AFF3: variants seen among roughly 807,000 people sequenced by gnomAD.
AFF3 encodes the protein AF4/FMR2 family member 3.
A neutral mutation model predicts 129.7 loss-of-function variants in AFF3; 32 were observed. That is an observed-to-expected ratio of 0.25 (90% CI 0.19 to 0.33). The LOEUF (loss-of-function observed/expected upper bound fraction) is 0.33, where lower values mean the gene tolerates loss of function less well. AFF3 is among the 10% of genes least tolerant of loss of function. The probability of loss-of-function intolerance (pLI) is 1.00; values close to 1 mark genes in which losing one functional copy is unlikely to be tolerated. For synonymous variants in AFF3, 644 were observed against 635.4 expected, an observed-to-expected ratio of 1.01 and a Z score of -0.20; for missense variants, 1,373 against 1,592.0, an observed-to-expected ratio of 0.86 and a Z score of 2.34.
chr2:99,578,895 G>A (rs538661545), intron 17 of AFF3, among the ~76,000 whole-genome samples: 98 of 152,334 alleles, frequency 6.4e-4, no homozygotes, highest in African/African-American at 2.2e-3. Context: ...CTGAGAGTCT[G>A]GGATTCAGCA....
intron 7 of AFF3, among the ~76,000 whole-genome samples, chr2:99,844,256 C>A (rs1347188128): frequency 6.6e-6 from 1 of 151,872 alleles, no homozygotes; most frequent in Non-Finnish European, 1.5e-5. Flanking sequence ...ATTCAAGTAA[C>A]ATAAAATCTA....
At chr2:99,690,155 T>TTTATTATTATTA (rs200485697) in intron 11 of AFF3, among the ~76,000 whole-genome samples, 2 of 123,016 alleles carry the variant, frequency 1.6e-5, no homozygotes, top group South Asian at 2.9e-4. Flanking sequence ...AACCACAATC[T>TTTATTATTATTA]TTATTATTAT....
At chr2:100,038,350 G>C (rs994725704) in intron 4 of AFF3, among the ~76,000 whole-genome samples, 2 of 149,790 alleles carry the variant, frequency 1.3e-5, no homozygotes, top group African/African-American at 4.9e-5. Flanking sequence ...CAACAATCAA[G>C]TTGTCTTATA....
At chr2:99,643,459 A>G (rs1039485723) in intron 13 of AFF3, among the ~76,000 whole-genome samples, 1 of 152,100 alleles carries the variant, frequency 6.6e-6, no homozygotes, top group African/African-American at 2.4e-5. Context: ...ACGCCACCAT[A>G]ACATCTTCAT....
chr2:99,931,030 T>C (rs892324222), intron 7 of AFF3, among the ~76,000 whole-genome samples: 2 of 152,240 alleles, frequency 1.3e-5, no homozygotes, highest in South Asian at 4.1e-4. Context: ...AGACCCAGTC[T>C]TTGCTTTTTT....
chr2:99,643,909 T>C (rs1046354635), intron 13 of AFF3, among the ~76,000 whole-genome samples: 1 of 152,218 alleles, frequency 6.6e-6, no homozygotes, highest in Admixed American at 6.5e-5. Flanking sequence ...GTGAGATTTA[T>C]TTGAGAAAGG....
At chr2:99,779,588 G>A (rs960567818) in intron 8 of AFF3, among the ~76,000 whole-genome samples, 13 of 152,086 alleles carry the variant, frequency 8.5e-5, no homozygotes, top group Admixed American at 5.2e-4. Flanking sequence ...CATATACTGC[G>A]TAGTGGTGAA....
At chr2:99,615,772 T>C (rs1043328754) in intron 13 of AFF3, among the ~76,000 whole-genome samples, 1 of 152,124 alleles carries the variant, frequency 6.6e-6, no homozygotes, top group Non-Finnish European at 1.5e-5. Flanking sequence ...CTGCCAAGAG[T>C]GAGCAGGCTG....
At chr2:99,871,140 A>C (rs1052106812) in intron 7 of AFF3, among the ~76,000 whole-genome samples, 8 of 152,348 alleles carry the variant, frequency 5.3e-5, no homozygotes, top group East Asian at 1.9e-4. Flanking sequence ...CCTTCAGACT[A>C]TGTGTACAGG....
chr2:99,733,454 A>G (rs1680005923), intron 10 of AFF3, among the ~76,000 whole-genome samples: 1 of 150,364 alleles, frequency 6.7e-6, no homozygotes, highest in South Asian at 2.1e-4. Flanking sequence ...TATTTTTTCT[A>G]TTATCTTTGG....
intron 12 of AFF3, among the ~76,000 whole-genome samples, chr2:99,665,715 G>A (rs1248342575): frequency 1.3e-5 from 2 of 152,238 alleles, no homozygotes; most frequent in Non-Finnish European, 2.9e-5. Flanking sequence ...ATCACCCAGA[G>A]AGCAGACATG....
At chr2:100,015,503 G>A (rs1205612630) in intron 4 of AFF3, among the ~76,000 whole-genome samples, 4 of 152,126 alleles carry the variant, frequency 2.6e-5, no homozygotes, top group African/African-American at 9.7e-5. Flanking sequence ...TAAGCACTGT[G>A]TATAATTAAG....
intron 4 of AFF3, among the ~76,000 whole-genome samples, chr2:100,099,008 G>T (rs1199014861): frequency 1.5e-5 from 2 of 129,926 alleles, no homozygotes; most frequent in Non-Finnish European, 3.3e-5. Context: ...ACCTGCCGAG[G>T]CCCCTCCAGG....
chr2:99,624,566 C>A (rs1166179295), intron 13 of AFF3, among the ~76,000 whole-genome samples: 9 of 152,136 alleles, frequency 5.9e-5, no homozygotes, highest in African/African-American at 2.2e-4. Context: ...TTAATAAGAG[C>A]CTCGCAGTCC....
chr2:99,786,303 T>C (rs1684787665), intron 8 of AFF3, among the ~76,000 whole-genome samples: 2 of 152,276 alleles, frequency 1.3e-5, no homozygotes, highest in Admixed American at 6.5e-5. Context: ...ATGAGGCCAA[T>C]GTGAGGCTCC....
intron 7 of AFF3, among the ~76,000 whole-genome samples, chr2:99,922,933 C>T (rs1285325225): frequency 6.6e-6 from 1 of 152,134 alleles, no homozygotes; most frequent in Non-Finnish European, 1.5e-5. Flanking sequence ...TGCTGTGTGT[C>T]CCTAAAATGC....
At chr2:99,851,546 A>C (rs1017858408) in intron 7 of AFF3, among the ~76,000 whole-genome samples, 2 of 152,200 alleles carry the variant, frequency 1.3e-5, no homozygotes, top group African/African-American at 4.8e-5. Flanking sequence ...CCAGTGGCAA[A>C]ATTGAGGCTC....
chr2:99,733,334 C>A (rs1233685309), intron 10 of AFF3, among the ~76,000 whole-genome samples: 4 of 149,306 alleles, frequency 2.7e-5, no homozygotes, highest in African/African-American at 9.8e-5. Context: ...GAGCCAAGAT[C>A]GCGCCACTGC....
chr2:100,020,830 TTCCTACCCCAGCCCATTCGC>T (rs1407096477), intron 4 of AFF3, among the ~76,000 whole-genome samples: 2 of 152,192 alleles, frequency 1.3e-5, no homozygotes, highest in South Asian at 2.1e-4. Flanking sequence ...CCGGCTGCTC[TTCCTACCCCAGCCCATTCGC>T]TCCTACCCCA....
Sources: gnomAD v4.1 joint callset for allele counts (sites outside exome capture counted in the v4.1 genomes callset) on GRCh38, gnomAD v4.1.1 for gene constraint, MANE v1.5 for transcripts, NCBI Gene and HGNC (gene_info 2026-07-23, HGNC 2026-07-21) for gene names.